The following NBN variants were observed in gnomAD, a reference collection of about 807,000 sequenced individuals.
The protein encoded by NBN is nibrin, also known as Nijmegen breakage syndrome 1 (nibrin).
In NBN, 88 loss-of-function variants were observed where a neutral mutation model predicts 90.8. The ratio of observed to expected loss-of-function variants is 0.97; its 90% confidence interval spans 0.82 to 1.16. The LOEUF is 1.16. NBN is among the 50% of genes most tolerant of loss of function. NBN has a pLI of 0.00. For missense variants in NBN, 894 were observed against 869.6 expected, an observed-to-expected ratio of 1.03 and a Z score of -0.35; for synonymous variants, 328 against 295.1, an observed-to-expected ratio of 1.11 and a Z score of -1.14.
intron 13 of NBN, 101 bp from the exon 14 acceptor site, chr8:89,943,467 T>A: frequency 8.5e-7 from 1 of 1,179,786 alleles, no homozygotes; most frequent in Non-Finnish European, 1.2e-6. Context: ...CATGCATAAG[T>A]GCCAAAGATG....
intron 8 of NBN, 163 bp from the exon 9 acceptor site, chr8:89,959,017 A>G (rs1810869719): frequency 2.7e-6 from 1 of 365,502 alleles, no homozygotes; most frequent in South Asian, 1.1e-4. Context: ...AAAACAGTCT[A>G]TAAGCAGCCT....
At chr8:89,976,954 T>C (rs868428955) in intron 5 of NBN, among the ~76,000 whole-genome samples, 1 of 152,188 alleles carries the variant, frequency 6.6e-6, no homozygotes, top group Non-Finnish European at 1.5e-5. Context: ...TTATCCGGTA[T>C]AAACAGTCCC....
At chr8:89,964,896 T>C (rs552203223) in intron 7 of NBN, among the ~76,000 whole-genome samples, 209 of 152,172 alleles carry the variant, frequency 1.4e-3, no homozygotes, top group Middle Eastern at 0.01. Context: ...GGTGGATCAC[T>C]TGAGGTCAGG....
intron 15 of NBN, 88 bp from the exon 16 acceptor site, chr8:89,935,700 C>T: frequency 1.3e-6 from 2 of 1,509,802 alleles, no homozygotes; most frequent in South Asian, 1.1e-5. Flanking sequence ...TGTAGTCACA[C>T]TTTGGCAAAT....
chr8:89,954,991 A>T (rs1223959464), intron 10 of NBN, among the ~76,000 whole-genome samples: 1 of 152,162 alleles, frequency 6.6e-6, no homozygotes, highest in African/African-American at 2.4e-5. Context: ...TTCTCAAGGA[A>T]AACCAGCAGA....
chr8:89,978,978 A>G (rs1035828625), intron 4 of NBN, among the ~76,000 whole-genome samples: 1 of 152,132 alleles, frequency 6.6e-6, no homozygotes, highest in African/African-American at 2.4e-5. Context: ...AATAATATAA[A>G]TATGCTTTTT....
intron 9 of NBN, 53 bp from the exon 10 acceptor site, chr8:89,955,608 A>T: frequency 6.4e-7 from 1 of 1,563,838 alleles, no homozygotes; most frequent in Non-Finnish European, 8.7e-7. Context: ...CAGCAACTTT[A>T]ATAGAGAAAC....
intron 5 of NBN, among the ~76,000 whole-genome samples, chr8:89,977,591 G>A (rs1016320383): frequency 1.3e-5 from 2 of 152,164 alleles, no homozygotes; most frequent in South Asian, 4.1e-4. Flanking sequence ...TATATACCCA[G>A]TAATGGGATT....
chr8:89,982,879 AAAGAT>A (rs1230841323), intron 1 of NBN, 24 bp from the exon 2 acceptor site: 2 of 1,608,254 alleles, frequency 1.2e-6, no homozygotes, highest in Non-Finnish European at 1.7e-6. Context: ...TTTTTTAAAA[AAAGAT>A]AAGTTGATAG....
At chr8:89,966,902 G>A (rs889895929) in intron 7 of NBN, among the ~76,000 whole-genome samples, 1 of 152,110 alleles carries the variant, frequency 6.6e-6, no homozygotes, top group African/African-American at 2.4e-5. Flanking sequence ...CAGAATTCCA[G>A]ATAAGTTAAA....
chr8:89,964,450 A>T lies in NBN; in HGVS notation c.954T>A (p.Thr318=), dbSNP rs1554562137. ...CCTGAGGATCACAGTAATTCTTTGT[A>T]GTCATGAAAATCACCGCCAATCCAA... ...AEIGLAVIFM[T]TKNYCDPQGH... Residue 318 remains threonine (T), a synonymous_variant, in exon 8 of 16, where the codon ACT becomes ACA. Coordinates refer to ENST00000265433, the MANE Select transcript of NBN (RefSeq NM_002485.5). 6.2e-7 allele frequency: 1 copy of T among 1,613,598 alleles called. No homozygotes were observed. Among genetic ancestry groups the T allele is most frequent in the Non-Finnish European group, 8.5e-7 (1 of 1,179,694 alleles).
At chr8:89,939,688 T>C (rs1430851671) in intron 14 of NBN, among the ~76,000 whole-genome samples, 2 of 152,148 alleles carry the variant, frequency 1.3e-5, no homozygotes, top group African/African-American at 2.4e-5. Flanking sequence ...TTCTTACTAA[T>C]GCCCCAAATT....
chr8:89,980,739 T>A lies in NBN; in HGVS notation c.475A>T (p.Ile159Phe), dbSNP rs747319065. The A allele has an allele frequency of 3.7e-6, 6 of 1,610,820 alleles. No homozygotes were observed. In the South Asian group the frequency reaches 6.6e-5, roughly 18 times the overall value. ...GAACAAGACATTCAACCTACTTTAA[T>A]GGTAACTTTCACTGATACCATGACA... Reference protein sequence around the residue: ...HLVMVSVKVTIKTICALICGR... With the variant: ...HLVMVSVKVTFKTICALICGR... Residue 159 changes from isoleucine to phenylalanine, a missense_variant, in exon 4 of 16, where the codon ATT becomes TTT. Coordinates refer to ENST00000265433, the MANE Select transcript of NBN (RefSeq NM_002485.5).
intron 5 of NBN, among the ~76,000 whole-genome samples, chr8:89,976,382 T>A (rs1229506926): frequency 5.9e-5 from 9 of 152,214 alleles, no homozygotes; most frequent in Non-Finnish European, 1.3e-4. Context: ...AGGATTTGGC[T>A]GAAAGCAGCC....
chr8:89,938,820 G>T (rs1389234911), intron 14 of NBN, among the ~76,000 whole-genome samples: 1 of 152,218 alleles, frequency 6.6e-6, no homozygotes, highest in South Asian at 2.1e-4. Flanking sequence ...TAAATGGGAA[G>T]ACATCATTTT....
Position 89,955,310 on chromosome 8 carries a change from T to A in NBN, c.1370A>T (p.Asn457Ile). The A allele has an allele frequency of 6.2e-7, 1 of 1,613,820 alleles. No individual in the cohort carries two copies. The highest frequency in any genetic ancestry group is 8.5e-7 in the Non-Finnish European group (1 of 1,179,796). Reference sequence around the variant, plus strand: ...TTTTTTGGTAGACGGCTGAAAGTAGTTTCTGATGGAGTTGGTCTGCTGCTG... The same window carrying A: ...TTTTTTGGTAGACGGCTGAAAGTAGATTCTGATGGAGTTGGTCTGCTGCTG... ...SQQQQTNSIR[N>I]YFQPSTKKRE... The change falls in exon 10 of 16, where the codon AAC becomes ATC. Residue 457 changes from asparagine to isoleucine, a missense_variant. By Grantham distance (149) the Asn-to-Ile change is moderately radical. Transcript: ENST00000265433.
intron 5 of NBN, among the ~76,000 whole-genome samples, chr8:89,972,434 G>A (rs954183392): frequency 2.0e-5 from 3 of 152,198 alleles, no homozygotes; most frequent in African/African-American, 7.2e-5. Flanking sequence ...ACAGAATGCA[G>A]GCAACTGCGT....
chr8:89,968,425 G>A (rs1811352213), intron 7 of NBN, among the ~76,000 whole-genome samples: 1 of 152,044 alleles, frequency 6.6e-6, no homozygotes, highest in Non-Finnish European at 1.5e-5. Flanking sequence ...CAACTGCCTG[G>A]GCTCACATCC....
chr8:89,955,189 A>T, intron 10 of NBN, 94 bp downstream of exon 10: 1 of 1,257,042 alleles, frequency 8.0e-7, no homozygotes, highest in Non-Finnish European at 1.1e-6. Flanking sequence ...AAGCATACTT[A>T]ATCAGAACAG....
Sources: gnomAD v4.1 joint callset for allele counts (sites outside exome capture counted in the v4.1 genomes callset) on GRCh38, gnomAD v4.1.1 for gene constraint, MANE v1.5 for transcripts, NCBI Gene and HGNC (gene_info 2026-07-23, HGNC 2026-07-21) for gene names.